The following CDH13 variants were observed in gnomAD, a reference collection of about 807,000 sequenced individuals.
CDH13 encodes the protein cadherin-13.
In CDH13, 24 loss-of-function variants were observed where a neutral mutation model predicts 63.8. That is an observed-to-expected ratio of 0.38 (90% CI 0.27 to 0.53). The LOEUF (loss-of-function observed/expected upper bound fraction) is 0.53, where lower values mean the gene tolerates loss of function less well. Among genes scored for constraint, CDH13 ranks in the 20% least tolerant of loss-of-function variants. The pLI, the probability that CDH13 is intolerant of heterozygous loss-of-function variation, is 0.85. For synonymous variants in CDH13, 503 were observed against 355.3 expected (o/e 1.42, Z -4.67); for missense variants, 1,049 against 903.1 (o/e 1.16, Z -2.07).
At chr16:83,326,184 C>T (rs1261147155) in intron 5 of CDH13, among the ~76,000 whole-genome samples, 2 of 152,020 alleles carry the variant, frequency 1.3e-5, no homozygotes, top group African/African-American at 4.8e-5. Flanking sequence ...GATTTTTTTC[C>T]TCTTTTTAAC....
intron 1 of CDH13, among the ~76,000 whole-genome samples, chr16:82,759,584 CATATATA>C (rs1424834978): frequency 2.0e-5 from 3 of 150,158 alleles, no homozygotes; most frequent in South Asian, 2.1e-4. Flanking sequence ...TATGTATACA[CATATATA>C]ATATATATGT....
At chr16:82,771,855 TC>T (rs1258346149) in intron 1 of CDH13, among the ~76,000 whole-genome samples, 1 of 152,238 alleles carries the variant, frequency 6.6e-6, no homozygotes, top group Non-Finnish European at 1.5e-5. Context: ...GGCCTCATCT[TC>T]CAGGGAGACT....
intron 7 of CDH13, among the ~76,000 whole-genome samples, chr16:83,565,301 G>T (rs913046771): frequency 2.0e-5 from 3 of 151,160 alleles, no homozygotes; most frequent in Middle Eastern, 3.2e-3. Context: ...CCTCATCTGC[G>T]CTATAGGCAC....
chr16:82,883,869 A>T (rs141343446), intron 2 of CDH13, among the ~76,000 whole-genome samples: 13 of 152,288 alleles, frequency 8.5e-5, no homozygotes, highest in Admixed American at 2.0e-4. Context: ...AATGCTGAAG[A>T]GCTCAGCCAC....
chr16:82,896,301 T>A (rs908011203), intron 2 of CDH13, among the ~76,000 whole-genome samples: 1 of 99,830 alleles, frequency 1.0e-5, no homozygotes, highest in African/African-American at 3.3e-5. Context: ...TTTTTTTTTT[T>A]TTTTTTTTGA....
chr16:83,352,036 C>T (rs2090961418), intron 6 of CDH13, among the ~76,000 whole-genome samples: 1 of 152,202 alleles, frequency 6.6e-6, no homozygotes, highest in African/African-American at 2.4e-5. Flanking sequence ...GTGGTTGAGA[C>T]TGGCCCCTTT....
rs574270437 is a variant in CDH13, at chr16:83,285,512, A to G, written c.637-59350A>G. On this transcript the variant is annotated intron_variant, in intron 5 of 13. Transcript: ENST00000567109. Reference sequence around the variant, plus strand: ...ACCAGTGATGGAAAATATTCAGGGAAAAAAAAACAGTAAAAATAACACCAT... The same window carrying G: ...ACCAGTGATGGAAAATATTCAGGGAGAAAAAAACAGTAAAAATAACACCAT... Among the ~76,000 whole-genome samples the G allele has an allele frequency of 2.6e-5, 4 of 152,114 alleles. No individual in the cohort carries two copies. The East Asian group carries it at 5.8e-4, about 22-fold the overall frequency.
At chr16:82,652,876 GA>G (rs1910889603) in intron 1 of CDH13, among the ~76,000 whole-genome samples, 1 of 152,150 alleles carries the variant, frequency 6.6e-6, no homozygotes, top group African/African-American at 2.4e-5. Flanking sequence ...AAGACCAGAA[GA>G]AAATCAAAAC....
intron 5 of CDH13, among the ~76,000 whole-genome samples, chr16:83,292,028 T>C (rs2113299): frequency 0.28 from 41,888 of 152,110 alleles, 6,105 homozygotes; most frequent in East Asian, 0.36. Flanking sequence ...CCTTGAGGTA[T>C]CATTTTTCAC....
intron 5 of CDH13, among the ~76,000 whole-genome samples, chr16:83,338,962 T>C (rs562482554): frequency 8.5e-4 from 130 of 152,228 alleles, no homozygotes; most frequent in African/African-American, 3.0e-3. Flanking sequence ...GAGGGTGACA[T>C]AAATCAATAA....
At chr16:82,859,896 A>G (rs371178659) in intron 2 of CDH13, among the ~76,000 whole-genome samples, 2 of 152,232 alleles carry the variant, frequency 1.3e-5, no homozygotes, top group Admixed American at 1.3e-4. Context: ...CAATGAAATC[A>G]TTTCAATAAT....
chr16:83,777,224 C>G (rs1358781880), intron 11 of CDH13, among the ~76,000 whole-genome samples: 1 of 152,216 alleles, frequency 6.6e-6, no homozygotes, highest in Admixed American at 6.5e-5. Flanking sequence ...TCCTGGATCA[C>G]TGCCTTTCCG....
At chr16:83,587,691 A>T (rs1321236308) in intron 7 of CDH13, among the ~76,000 whole-genome samples, 1 of 152,210 alleles carries the variant, frequency 6.6e-6, no homozygotes, top group African/African-American at 2.4e-5. Flanking sequence ...ATTTAATAAC[A>T]GATTTTGTAA....
At chr16:83,016,583 C>A (rs984743398) in intron 2 of CDH13, among the ~76,000 whole-genome samples, 1 of 152,084 alleles carries the variant, frequency 6.6e-6, no homozygotes, top group African/African-American at 2.4e-5. Context: ...GATTGGCATC[C>A]CTGCTGGTTA....
intron 2 of CDH13, among the ~76,000 whole-genome samples, chr16:83,031,269 C>T (rs1262675697): frequency 1.4e-5 from 2 of 145,608 alleles, no homozygotes; most frequent in Non-Finnish European, 3.1e-5. Context: ...CATATACATG[C>T]GCATGTATAC....
At chr16:83,602,140 AAAACC>A (rs1907901444) in intron 7 of CDH13, among the ~76,000 whole-genome samples, 2 of 79,420 alleles carry the variant, frequency 2.5e-5, no homozygotes, top group African/African-American at 1.9e-4. Flanking sequence ...AAAAAAAAAA[AAAACC>A]CAAAGGACAA....
intron 6 of CDH13, among the ~76,000 whole-genome samples, chr16:83,464,655 TG>T (rs1173640635): frequency 6.6e-6 from 1 of 152,128 alleles, no homozygotes; most frequent in Non-Finnish European, 1.5e-5. Context: ...CCACCACACC[TG>T]GCCCTCCTCT....
At chr16:83,191,004 T>G (rs2038679794) in intron 4 of CDH13, among the ~76,000 whole-genome samples, 1 of 151,766 alleles carries the variant, frequency 6.6e-6, no homozygotes, top group African/African-American at 2.4e-5. Context: ...TCTTATTTGG[T>G]TAAACTTTTT....
intron 6 of CDH13, among the ~76,000 whole-genome samples, chr16:83,367,241 T>C (rs2091275658): frequency 6.6e-6 from 1 of 152,348 alleles, no homozygotes; most frequent in South Asian, 2.1e-4. Flanking sequence ...GCCTTTTGTG[T>C]GTCTTCTTTC....
Sources: gnomAD v4.1 joint callset for allele counts (sites outside exome capture counted in the v4.1 genomes callset) on GRCh38, gnomAD v4.1.1 for gene constraint, MANE v1.5 for transcripts, NCBI Gene and HGNC (gene_info 2026-07-23, HGNC 2026-07-21) for gene names.